The following EXOSC4 variants were observed in gnomAD, a reference collection of about 807,000 sequenced individuals.
EXOSC4 encodes the protein exosome complex component RRP41.
Under a neutral mutation model 20.0 loss-of-function variants are expected in EXOSC4, and 14 were observed. That is an observed-to-expected ratio of 0.70 (90% CI 0.46 to 1.09). EXOSC4 has a LOEUF of 1.09. Among genes scored for constraint, EXOSC4 ranks in the 50% least tolerant of loss-of-function variants. EXOSC4 has a pLI of 0.00. For synonymous variants in EXOSC4, 148 were observed against 146.4 expected, an observed-to-expected ratio of 1.01 and a Z score of -0.08; for missense variants, 337 against 334.0, an observed-to-expected ratio of 1.01 and a Z score of -0.07.
chr8:144,075,351 C>T (rs370201540), upstream of EXOSC4, among the ~76,000 whole-genome samples: 6 of 152,076 alleles, frequency 3.9e-5, no homozygotes, highest in African/African-American at 1.2e-4. Context: ...CTCAGCCTCC[C>T]GAGTAGCTGG....
the EXOSC4 span, among the ~76,000 whole-genome samples, chr8:144,071,813 C>CAA: frequency 6.6e-6 from 1 of 151,478 alleles, no homozygotes; most frequent in Non-Finnish European, 1.5e-5. Flanking sequence ...CACAGCTCCG[C>CAA]AAAAAAACAC....
intron 1 of EXOSC4, chr8:144,079,277 C>A: frequency 4.5e-6 from 1 of 221,790 alleles, no homozygotes; most frequent in Non-Finnish European, 9.0e-6. Flanking sequence ...TCTCAAATGC[C>A]TATTTTGCTT....
chr8:144,070,393 G>A, the EXOSC4 span, among the ~76,000 whole-genome samples: 7 of 151,884 alleles, frequency 4.6e-5, no homozygotes, highest in East Asian at 1.9e-4. Context: ...GTGTGGTGGC[G>A]GGTGCCTGTA....
In EXOSC4 at chr8:144,080,310, C is replaced by T. The variant is rs782115039; in HGVS notation, c.447C>T (p.Ala149=). The T allele has an allele frequency of 6.8e-6, 11 of 1,613,646 alleles. No homozygotes were observed. Among genetic ancestry groups the T allele is most frequent in the Middle Eastern group, 1.6e-4 (1 of 6,084 alleles). ...CAGCCACGCTGGCAGTGCTGGATGC[C>T]GGGATACCCATGAGAGACTTTGTGT... is the stretch of plus-strand genomic sequence containing the variant. ...VNAATLAVLD[A]GIPMRDFVCA... Residue 149 remains alanine, a synonymous_variant, in exon 3 of 3, where the codon GCC becomes GCT. Coordinates refer to ENST00000316052, the MANE Select transcript of EXOSC4 (RefSeq NM_019037.3). This position sits in a 1 kb window ranked among gnomAD's most constrained non-coding sequence, Gnocchi z 4.9.
intron 1 of EXOSC4, chr8:144,079,354 C>T (rs903035360): frequency 4.8e-6 from 1 of 209,646 alleles, no homozygotes; most frequent in East Asian, 1.3e-4. Context: ...TTACATAAAA[C>T]TATCTGGTTT....
At chr8:144,076,133 G>A (rs1835833818), upstream of EXOSC4, among the ~76,000 whole-genome samples, 1 of 152,192 alleles carries the variant, frequency 6.6e-6, no homozygotes, top group African/African-American at 2.4e-5. Context: ...CACAGACTGT[G>A]TATGTGACCA....
the EXOSC4 span, among the ~76,000 whole-genome samples, chr8:144,068,847 T>C: frequency 6.6e-6 from 1 of 151,494 alleles, no homozygotes; most frequent in African/African-American, 2.4e-5. Flanking sequence ...AGACGAGGCC[T>C]CCCGTCCCCC....
chr8:144,073,250 G>A, the EXOSC4 span, among the ~76,000 whole-genome samples: 1 of 152,154 alleles, frequency 6.6e-6, no homozygotes, highest in Non-Finnish European at 1.5e-5. Flanking sequence ...GCCAGGCGTG[G>A]TGGCGGGCGC....
chr8:144,072,212 G>A, the EXOSC4 span, among the ~76,000 whole-genome samples: 6 of 151,780 alleles, frequency 4.0e-5, no homozygotes, highest in Non-Finnish European at 7.4e-5. Flanking sequence ...ACGGAGTCTC[G>A]CTCTGTTGCC....
the EXOSC4 span, among the ~76,000 whole-genome samples, chr8:144,068,436 C>T: frequency 1.3e-5 from 2 of 152,198 alleles, no homozygotes; most frequent in East Asian, 1.9e-4. Context: ...CCACTTTAGA[C>T]GAACACGCTG....
chr8:144,075,166 G>A (rs1835825034), upstream of EXOSC4, among the ~76,000 whole-genome samples: 1 of 151,620 alleles, frequency 6.6e-6, no homozygotes, highest in African/African-American at 2.4e-5. Context: ...GGGCTCAAGT[G>A]AGCCTCCCAC....
upstream of EXOSC4, among the ~76,000 whole-genome samples, chr8:144,075,781 T>C (rs1835831445): frequency 6.6e-6 from 1 of 152,252 alleles, no homozygotes; most frequent in African/African-American, 2.4e-5. Flanking sequence ...GAGTCAAATA[T>C]GTCAGGCAGG....
At chr8:144,078,490 G>C (rs1835858401), upstream of EXOSC4, 1 of 383,390 alleles carries the variant, frequency 2.6e-6, no homozygotes, top group Non-Finnish European at 4.6e-6. This position sits in a 1 kb window ranked among gnomAD's most constrained non-coding sequence, Gnocchi z 4.7. Context: ...GGAAACCGTA[G>C]ATCCGGGGAG....
At position 144,078,692 on chromosome 8, in the gene EXOSC4, A is replaced by C; in HGVS notation, c.-37A>C. 2.2e-6 allele frequency: 3 copies of C among 1,365,578 alleles called. No individual in the cohort carries two copies. The highest frequency in any genetic ancestry group is 3.1e-5 in the East Asian group (1 of 32,766). The allele number at this position is 1,365,578 out of a possible 1,614,324, so 84.6% of individuals were successfully genotyped here. The stretch of plus-strand genomic sequence containing the variant: ...GAGCTGTAGTTCTCCCGCGGCTCAG[A>C]GAAGTAGGCAGAGAGCGGACCTGGC... On this transcript the variant is annotated 5_prime_UTR_variant, in exon 1 of 3. Transcript: ENST00000316052. The surrounding 1 kb of genome is among the most constrained non-coding windows in gnomAD (Gnocchi z 4.7).
chr8:144,065,539 G>C, the EXOSC4 span, among the ~76,000 whole-genome samples: 3 of 151,938 alleles, frequency 2.0e-5, no homozygotes, highest in African/African-American at 7.3e-5. Context: ...GACCAACCTG[G>C]CCAACATGGT....
upstream of EXOSC4, among the ~76,000 whole-genome samples, chr8:144,077,734 C>T (rs1554762913): frequency 6.6e-6 from 1 of 152,178 alleles, no homozygotes; most frequent in African/African-American, 2.4e-5. Context: ...CACATGTTGT[C>T]CACCTTGTTG....
At position 144,078,837 on chromosome 8, in the gene EXOSC4, G is replaced by C; in HGVS notation, c.109G>C (p.Gly37Arg). The change falls in exon 1 of 3, where the codon GGC (glycine) becomes CGC (arginine). Residue 37 changes from glycine (G) to arginine (R), a missense_variant. Physicochemically the swap from Gly to Arg is moderately radical, Grantham distance 125. Coordinates refer to ENST00000316052, the MANE Select transcript of EXOSC4 (RefSeq NM_019037.3). The surrounding 1 kb of genome is among the most constrained non-coding windows in gnomAD (Gnocchi z 4.7). The part of the protein sequence containing the change: ...ARMGVFAQAD[G>R]SAYIEQGNTK... ...GATGGGCGTGTTCGCGCAGGCTGAC[G>C]GCTCGGCCTACATTGAGCAGGGCAA... 3.8e-6 allele frequency: 6 copies of C among 1,580,310 alleles called. No individual in the cohort carries two copies. The highest frequency in any genetic ancestry group is 5.1e-6 in the Non-Finnish European group (6 of 1,166,032).
upstream of EXOSC4, among the ~76,000 whole-genome samples, chr8:144,074,704 G>A (rs1554762522): frequency 1.3e-5 from 2 of 152,094 alleles, no homozygotes; most frequent in African/African-American, 4.8e-5. Flanking sequence ...TCAAGTAGCT[G>A]GAACTACAGG....
chr8:144,070,987 G>A, the EXOSC4 span, among the ~76,000 whole-genome samples: 1 of 151,854 alleles, frequency 6.6e-6, no homozygotes, highest in Admixed American at 6.6e-5. Flanking sequence ...TAAAAATAAG[G>A]AGGGAGGAGC....
Sources: allele counts gnomAD v4.1 joint callset (sites outside exome capture counted in the v4.1 genomes callset), GRCh38; gene constraint gnomAD v4.1.1; non-coding constraint Gnocchi (gnomAD v3.1); transcripts MANE v1.5; gene names NCBI Gene and HGNC (gene_info 2026-07-23, HGNC 2026-07-21).